ACAT1: variants seen among roughly 807,000 people sequenced by gnomAD.
ACAT1 encodes the protein acetyl-CoA acetyltransferase, mitochondrial.
Under a neutral mutation model 47.3 loss-of-function variants are expected in ACAT1, and 28 were observed. The observed-to-expected ratio is 0.59, with a 90% CI of 0.44 to 0.81. The LOEUF is 0.81. Ranked by LOEUF, ACAT1 falls within the 30% of genes least tolerant of loss-of-function variation. ACAT1 has a pLI of 0.00. For synonymous variants in ACAT1, 181 were observed against 173.6 expected, an observed-to-expected ratio of 1.04 and a Z score of -0.34; for missense variants, 469 against 524.3, an observed-to-expected ratio of 0.89 and a Z score of 1.03.
At position 108,147,308 on chromosome 11, in the gene ACAT1, C is replaced by G; in HGVS notation, c.1202C>G (p.Ala401Gly). 1 of 1,613,806 alleles carries G rather than the reference C, an allele frequency of 6.2e-7. No individual in the cohort carries two copies. Among genetic ancestry groups the G allele is most frequent in the Middle Eastern group, 1.7e-4 (1 of 6,060 alleles). The change falls in exon 12 of 12, where the codon GCC (alanine) becomes GGC (glycine). Residue 401 changes from alanine to glycine, a missense_variant. Physicochemically the swap from Ala to Gly is moderately conservative, Grantham distance 60 (BLOSUM62 0). Coordinates refer to ENST00000265838, the MANE Select transcript of ACAT1 (RefSeq NM_000019.4). ...AGGATTGTTGGTCATTTGACTCATGCCTTGAAGCAAGGAGAATACGGTCTT... is the reference window on the plus strand; with the variant it reads ...AGGATTGTTGGTCATTTGACTCATGGCTTGAAGCAAGGAGAATACGGTCTT... ...GARIVGHLTH[A>G]LKQGEYGLAS...
chr11:108,123,014 C>G (rs542876302), intron 1 of ACAT1, among the ~76,000 whole-genome samples: 7 of 152,098 alleles, frequency 4.6e-5, no homozygotes, highest in Non-Finnish European at 1.0e-4. Context: ...CATTTGAGGT[C>G]AAGAGTTCAA....
chr11:108,142,731 GGA>G, intron 9 of ACAT1, 181 bp downstream of exon 9: 1 of 586,046 alleles, frequency 1.7e-6, no homozygotes, highest in Non-Finnish European at 3.1e-6. Flanking sequence ...CATCTACTCG[GGA>G]AGCTGAGGTG....
rs2077419225 is a variant in ACAT1, at chr11:108,134,303, A to T, written c.321A>T (p.Ala107=). The T allele has an allele frequency of 1.9e-6, 3 of 1,613,300 alleles. No individual in the cohort carries two copies. In the South Asian group the frequency reaches 3.3e-5, roughly 18 times the overall value. ...AAGGACAAGCTCCTACAAGGCAGGC[A>T]GTATTGGGTGCAGGTACCTGGAAGA... is the stretch of plus-strand genomic sequence containing the variant. ...GGEGQAPTRQ[A]VLGAGLPIST... is the part of the protein sequence containing the mutation. The change falls in exon 4 of 12, where the codon GCA becomes GCT. Residue 107 remains alanine (A), a synonymous_variant. Coordinates refer to ENST00000265838, the MANE Select transcript of ACAT1 (RefSeq NM_000019.4).
At position 108,139,050 on chromosome 11, in the gene ACAT1, G is replaced by C; in HGVS notation, c.579+9G>C. The C allele has an allele frequency of 1.9e-6, 3 of 1,614,032 alleles. No homozygotes were observed. The highest frequency in any genetic ancestry group is 2.2e-5 in the East Asian group (1 of 44,870). On this transcript the variant is annotated intron_variant, in intron 6 of 11. Transcript: ENST00000265838. The stretch of plus-strand genomic sequence containing the variant: ...ACAATAAAATTCATATGGTAAATGT[G>C]ATTTTTAGTGGATAAATGCTATCTA...
intron 1 of ACAT1, among the ~76,000 whole-genome samples, chr11:108,125,713 G>A (rs1020923355): frequency 4.6e-5 from 7 of 152,184 alleles, no homozygotes; most frequent in East Asian, 3.9e-4. Flanking sequence ...AGATCACCAG[G>A]TCAGGAGATC....
Position 108,140,199 on chromosome 11 carries a change from C to G in ACAT1, c.714C>G (p.Val238=), listed in dbSNP as rs780592247. 6.2e-7 allele frequency: 1 copy of G among 1,614,072 alleles called. No homozygotes were observed. Among genetic ancestry groups the G allele is most frequent in the South Asian group, 1.1e-5 (1 of 91,076 alleles). The change falls in exon 7 of 12, where the codon GTC becomes GTG. Residue 238 remains valine, a synonymous_variant. Coordinates refer to ENST00000265838, the MANE Select transcript of ACAT1 (RefSeq NM_000019.4). ...AATTTGGAAATGAAGTTATTCCTGT[C>G]ACAGTTACAGTAAAAGGTAGAGATA... The part of the protein sequence containing the change: ...AGKFGNEVIP[V]TVTVKGQPDV...
Position 108,147,506 on chromosome 11 carries a change from CTA to C in ACAT1, c.*118_*119del, listed in dbSNP as rs1185957731. The stretch of plus-strand genomic sequence containing the variant: ...AAGCTGTTTCATTTTTTATTATTTT[CTA>C]TGTTAACTTTTAAAAATCAAAATGA... On this transcript the variant is annotated 3_prime_UTR_variant, in exon 12 of 12. Coordinates refer to ENST00000265838, the MANE Select transcript of ACAT1 (RefSeq NM_000019.4). The C allele has an allele frequency of 7.6e-6, 10 of 1,309,962 alleles. No individual in the cohort carries two copies. In the Admixed American group the frequency reaches 1.0e-4, roughly 14 times the overall value. 81.1% of individuals were successfully genotyped at this position (1,309,962 alleles called of 1,614,324 possible). A position where few individuals can be genotyped will look rare whatever the true frequency, so the allele number is the denominator to read the frequency against.
Position 108,138,809 on chromosome 11 carries a change from A to G in ACAT1, c.436-89A>G. 3.5e-6 allele frequency: 5 copies of G among 1,424,126 alleles called. No homozygotes were observed. The South Asian group carries it at 4.6e-5, about 13-fold the overall frequency. 88.2% of individuals were successfully genotyped at this position (1,424,126 alleles called of 1,614,324 possible). A position where few individuals can be genotyped will look rare whatever the true frequency, so the allele number is the denominator to read the frequency against. ...CAAATGTTTAATAAATGCATGTAGA[A>G]TACTTGTTTGGTGGTAGCTGTATAA... On this transcript the variant is annotated intron_variant, in intron 5 of 11. Coordinates refer to ENST00000265838, the MANE Select transcript of ACAT1 (RefSeq NM_000019.4).
At chr11:108,121,433 TCCCA>T, upstream of ACAT1, 1 of 716,968 alleles carries the variant, frequency 1.4e-6, no homozygotes, top group East Asian at 2.7e-5. Flanking sequence ...GGCTGCGGTG[TCCCA>T]GCGCCAGGCT....
intron 4 of ACAT1, 87 bp from the exon 5 acceptor site, chr11:108,135,055 T>C (rs1196089952): frequency 1.2e-6 from 1 of 854,528 alleles, no homozygotes; most frequent in Admixed American, 1.9e-5. Flanking sequence ...GCAGAAGAAA[T>C]GTTGTAGTTT....
chr11:108,132,877 A>AG (rs2135330936), intron 2 of ACAT1, among the ~76,000 whole-genome samples: 1 of 146,846 alleles, frequency 6.8e-6, no homozygotes, highest in Admixed American at 6.7e-5. Context: ...AAAAAAAAAA[A>AG]AAAAGAAAAA....
chr11:108,137,390 T>C (rs974369290), intron 5 of ACAT1, among the ~76,000 whole-genome samples: 1 of 152,154 alleles, frequency 6.6e-6, no homozygotes, highest in Non-Finnish European at 1.5e-5. Context: ...AAAGGCTTTA[T>C]ATATTATGCT....
At chr11:108,118,007 C>T (rs946256915), upstream of ACAT1, among the ~76,000 whole-genome samples, 2 of 152,170 alleles carry the variant, frequency 1.3e-5, no homozygotes, top group African/African-American at 4.8e-5. Context: ...TAATAAATCC[C>T]AGATAAACCA....
chr11:108,139,165 AC>A lies in ACAT1; in HGVS notation c.579+125del, dbSNP rs1168642919. 1.4e-5 allele frequency: 18 copies of A among 1,299,560 alleles called. No individual in the cohort carries two copies. The African/African-American group carries it at 2.4e-4, about 17-fold the overall frequency. 80.5% of individuals were successfully genotyped at this position (1,299,560 alleles called of 1,614,324 possible). ...CTATAAATGTTGATTTTAGCCGTGTACTTTTGGAGAATATTTTTGTATGCCT... is the reference window on the plus strand; with the variant it reads ...CTATAAATGTTGATTTTAGCCGTGTATTTTGGAGAATATTTTTGTATGCCT... On this transcript the variant is annotated intron_variant, in intron 6 of 11. Coordinates refer to ENST00000265838, the MANE Select transcript of ACAT1 (RefSeq NM_000019.4).
At chr11:108,116,841 A>G (rs1864960322), upstream of ACAT1, among the ~76,000 whole-genome samples, 1 of 152,208 alleles carries the variant, frequency 6.6e-6, no homozygotes, top group African/African-American at 2.4e-5. Context: ...ACTCTCCGTT[A>G]GAACCCACAG....
chr11:108,147,159 C>T, intron 11 of ACAT1, 111 bp from the exon 12 acceptor site: 2 of 1,276,704 alleles, frequency 1.6e-6, no homozygotes, highest in Non-Finnish European at 2.2e-6. Context: ...GTTAATTCAG[C>T]AAGTAGTAGT....
At chr11:108,138,303 T>C (rs1166990003) in intron 5 of ACAT1, among the ~76,000 whole-genome samples, 1 of 150,054 alleles carries the variant, frequency 6.7e-6, no homozygotes, top group Non-Finnish European at 1.5e-5. Flanking sequence ...GGTATTCTTA[T>C]TAATGTCTGG....
intron 10 of ACAT1, among the ~76,000 whole-genome samples, chr11:108,144,897 C>T (rs549867327): frequency 1.3e-5 from 2 of 152,160 alleles, no homozygotes; most frequent in African/African-American, 4.8e-5. Context: ...GGTAGAATAA[C>T]TTCTGAGAGC....
In ACAT1 at chr11:108,135,146, A is replaced by T. The variant is rs1478269411; in HGVS notation, c.339A>T (p.Leu113Phe). The change falls in exon 5 of 12, where the codon TTA becomes TTT. Residue 113 changes from leucine to phenylalanine, a missense_variant. Leu to Phe is a conservative substitution (Grantham distance 22). Coordinates refer to ENST00000265838, the MANE Select transcript of ACAT1 (RefSeq NM_000019.4). Reference protein sequence around the residue: ...PTRQAVLGAGLPISTPCTTIN... With the variant: ...PTRQAVLGAGFPISTPCTTIN... ...AGTGACTTATATTGGTTTTAGGCTTACCTATTTCTACTCCATGTACCACCA... is the reference window on the plus strand; with the variant it reads ...AGTGACTTATATTGGTTTTAGGCTTTCCTATTTCTACTCCATGTACCACCA... 1.9e-6 allele frequency: 3 copies of T among 1,611,886 alleles called. No individual in the cohort carries two copies. The highest frequency in any genetic ancestry group is 2.7e-5 in the African/African-American group (2 of 74,844).
Sources: allele counts gnomAD v4.1 joint callset (sites outside exome capture counted in the v4.1 genomes callset), GRCh38; gene constraint gnomAD v4.1.1; transcripts MANE v1.5; gene names NCBI Gene and HGNC (gene_info 2026-07-23, HGNC 2026-07-21).